The following CFAP61 variants were observed in gnomAD, a reference collection of about 807,000 sequenced individuals.
CFAP61 encodes the protein cilia and flagella associated protein 61, also known as cilia- and flagella-associated protein 61.
CFAP61 carries 107 observed loss-of-function variants against 135.6 expected under a neutral mutation model. That is an observed-to-expected ratio of 0.79 (90% confidence interval 0.67 to 0.93). The LOEUF is 0.93. CFAP61 is among the 40% of genes least tolerant of loss of function. CFAP61 has a pLI of 0.00. For missense variants in CFAP61, 1,507 were observed against 1,556.2 expected, an observed-to-expected ratio of 0.97 and a Z score of 0.53; for synonymous variants, 575 against 578.5, an observed-to-expected ratio of 0.99 and a Z score of 0.09.
chr20:20,355,379 G>C lies in CFAP61; in HGVS notation c.3514-4831G>C, dbSNP rs1448519566. ...GGTGGTCACACTGAGGGGAGGTAGTGACACTGTGAGCAGAGATGGTCACAC... is the reference window on the plus strand; with the variant it reads ...GGTGGTCACACTGAGGGGAGGTAGTCACACTGTGAGCAGAGATGGTCACAC... On this transcript the variant is annotated intron_variant, in intron 26 of 26. Coordinates refer to ENST00000245957, the MANE Select transcript of CFAP61 (RefSeq NM_015585.4). Among the ~76,000 whole-genome samples the C allele has an allele frequency of 8.7e-4, 80 of 92,114 alleles. 5 individuals carry two copies. The highest frequency in any genetic ancestry group is 6.5e-3 in the East Asian group (13 of 2,008). The allele number at this position is 92,114 out of a possible 152,430, so 60.4% of individuals were successfully genotyped here.
At chr20:20,174,197 A>T (rs1176358116) in intron 13 of CFAP61, among the ~76,000 whole-genome samples, 1 of 152,200 alleles carries the variant, frequency 6.6e-6, no homozygotes, top group Non-Finnish European at 1.5e-5. Flanking sequence ...TTAACAAGTC[A>T]TGTGTTGTCG....
At chr20:20,141,328 T>G (rs1031192079) in intron 8 of CFAP61, among the ~76,000 whole-genome samples, 1 of 152,230 alleles carries the variant, frequency 6.6e-6, no homozygotes, top group Non-Finnish European at 1.5e-5. Context: ...ACAAGGTCAA[T>G]AAGCCTAAAA....
chr20:20,311,699 A>G (rs1311698767), intron 25 of CFAP61, among the ~76,000 whole-genome samples: 25 of 152,144 alleles, frequency 1.6e-4, no homozygotes, highest in Non-Finnish European at 7.3e-5. Flanking sequence ...TTGCACAGAG[A>G]GAGAAGCTTG....
At chr20:20,167,655 C>T (rs1423134554) in intron 12 of CFAP61, among the ~76,000 whole-genome samples, 2 of 152,280 alleles carry the variant, frequency 1.3e-5, no homozygotes, top group Admixed American at 1.3e-4. Context: ...AGGAAGCCCA[C>T]CCAGACTTGG....
intron 18 of CFAP61, among the ~76,000 whole-genome samples, chr20:20,245,408 G>A (rs2050369726): frequency 6.6e-6 from 1 of 152,164 alleles, no homozygotes; most frequent in South Asian, 2.1e-4. Context: ...GATGGCAGCA[G>A]GCAAAGAGAG....
At chr20:20,243,852 T>A (rs1290115070) in intron 18 of CFAP61, among the ~76,000 whole-genome samples, 1 of 152,190 alleles carries the variant, frequency 6.6e-6, no homozygotes, top group East Asian at 1.9e-4. Context: ...GCAAGTTAGC[T>A]ACCTCCTAGA....
intron 15 of CFAP61, among the ~76,000 whole-genome samples, chr20:20,195,236 A>G (rs770279283): frequency 2.0e-5 from 3 of 152,190 alleles, no homozygotes; most frequent in Non-Finnish European, 2.9e-5. Context: ...CACAGATGCC[A>G]CAGTTTTCAT....
intron 24 of CFAP61, among the ~76,000 whole-genome samples, chr20:20,292,358 T>C (rs2055050889): frequency 6.6e-6 from 1 of 152,234 alleles, no homozygotes; most frequent in Non-Finnish European, 1.5e-5. Context: ...CAGATTCTTT[T>C]AGTTGCCCTG....
chr20:20,226,140 C>G (rs1480471240), intron 17 of CFAP61: 2 of 152,240 alleles, frequency 1.3e-5, no homozygotes, highest in African/African-American at 2.4e-5. Context: ...GCCTTCATCC[C>G]TCCCTGGGCT....
At chr20:20,314,733 G>C (rs1489855471) in intron 25 of CFAP61, among the ~76,000 whole-genome samples, 5 of 124,004 alleles carry the variant, frequency 4.0e-5, no homozygotes, top group African/African-American at 1.3e-4. Context: ...TCCCCTTCCT[G>C]TGTCCATGTG....
intron 19 of CFAP61, among the ~76,000 whole-genome samples, chr20:20,250,607 A>G (rs1160938899): frequency 6.6e-6 from 1 of 152,370 alleles, no homozygotes; most frequent in African/African-American, 2.4e-5. Context: ...AAATAGATGA[A>G]TAAATAAAAA....
chr20:20,235,819 C>T (rs941051697), intron 18 of CFAP61, among the ~76,000 whole-genome samples: 1 of 152,158 alleles, frequency 6.6e-6, no homozygotes, highest in Non-Finnish European at 1.5e-5. Flanking sequence ...AAAACACAGG[C>T]ATGAGGGCCC....
chr20:20,157,907 AAC>A (rs2053067638), intron 9 of CFAP61, among the ~76,000 whole-genome samples: 1 of 152,218 alleles, frequency 6.6e-6, no homozygotes, highest in African/African-American at 2.4e-5. Flanking sequence ...TATTTTTTAA[AAC>A]TCTCAAAACA....
chr20:20,085,978 C>A (rs1414157421), intron 6 of CFAP61, among the ~76,000 whole-genome samples: 1 of 152,110 alleles, frequency 6.6e-6, no homozygotes, highest in Non-Finnish European at 1.5e-5. Flanking sequence ...TAGGCTTTTT[C>A]TGCCAAGGTT....
chr20:20,207,049 A>C (rs961927687), intron 17 of CFAP61, among the ~76,000 whole-genome samples: 3 of 152,206 alleles, frequency 2.0e-5, no homozygotes, highest in Admixed American at 6.5e-5. Context: ...TTGAGACTAC[A>C]CTGGTAATAC....
chr20:20,053,834 T>C (rs1243648197), intron 1 of CFAP61, among the ~76,000 whole-genome samples: 1 of 152,152 alleles, frequency 6.6e-6, no homozygotes, highest in Non-Finnish European at 1.5e-5. Flanking sequence ...GAAGTGATTT[T>C]CCTTAAATGT....
intron 6 of CFAP61, among the ~76,000 whole-genome samples, chr20:20,081,626 G>C (rs1048214716): frequency 6.6e-6 from 1 of 152,058 alleles, no homozygotes; most frequent in African/African-American, 2.4e-5. Flanking sequence ...GTTATGGTTT[G>C]GTCTCCCTTT....
At chr20:20,079,105 G>A (rs1305741593) in intron 6 of CFAP61, among the ~76,000 whole-genome samples, 1 of 152,202 alleles carries the variant, frequency 6.6e-6, no homozygotes, top group Non-Finnish European at 1.5e-5. Flanking sequence ...TGAACTTTGG[G>A]TGAGAGGAAG....
At chr20:20,201,048 T>C in intron 17 of CFAP61, 9 of 760,624 alleles carry the variant, frequency 1.2e-5, no homozygotes, top group Non-Finnish European at 1.3e-5. Context: ...GACTTCTCAA[T>C]CTATCTGTCC....
Sources: gnomAD v4.1 joint callset for allele counts (sites outside exome capture counted in the v4.1 genomes callset) on GRCh38, gnomAD v4.1.1 for gene constraint, MANE v1.5 for transcripts, NCBI Gene and HGNC (gene_info 2026-07-23, HGNC 2026-07-21) for gene names.